Variants in C19orf12 observed in about 807,000 individuals in gnomAD.
C19orf12 encodes the protein chromosome 19 open reading frame 12, also known as protein C19orf12.
Under a neutral mutation model 3.8 loss-of-function variants are expected in C19orf12, and 2 were observed. The observed-to-expected ratio is 0.53, with a 90% CI of 0.22 to 1.66. The LOEUF is 1.66. Ranked by LOEUF, C19orf12 falls within the 40% of genes most tolerant of loss-of-function variation. The probability of loss-of-function intolerance (pLI) is 0.20; values close to 1 mark genes in which losing one functional copy is unlikely to be tolerated. For missense variants in C19orf12, 156 were observed against 188.8 expected, an observed-to-expected ratio of 0.83 and a Z score of 1.02; for synonymous variants, 89 against 84.6, an observed-to-expected ratio of 1.05 and a Z score of -0.28.
Position 29,715,144 on chromosome 19 carries a change from CG to C in C19orf12, c.-31del. ...CTTTACCTGGGGGAGCGGAGGTCTA[CG>C]CGGCGCGCTCGGCGATCAGACGCGG... On this transcript the variant is annotated 5_prime_UTR_variant, in exon 1 of 3. Coordinates refer to ENST00000323670, the MANE Select transcript of C19orf12 (RefSeq NM_031448.6). 1 of 578,796 alleles carries C rather than the reference CG, an allele frequency of 1.7e-6. No individual in the cohort carries two copies. Among genetic ancestry groups the C allele is most frequent in the Non-Finnish European group, 3.1e-6 (1 of 327,034 alleles). 35.9% of individuals were successfully genotyped at this position (578,796 alleles called of 1,614,324 possible). A position where few individuals can be genotyped will look rare whatever the true frequency, so the allele number is the denominator to read the frequency against.
At chr19:29,714,041 T>TTTG (rs1454860445) in intron 1 of C19orf12, among the ~76,000 whole-genome samples, 1 of 151,988 alleles carries the variant, frequency 6.6e-6, no homozygotes, top group East Asian at 1.9e-4. Flanking sequence ...CTTCCTGCTT[T>TTTG]TTGTTGTTGC....
chr19:29,710,392 A>G (rs1297821086), intron 1 of C19orf12, among the ~76,000 whole-genome samples: 4 of 152,032 alleles, frequency 2.6e-5, no homozygotes, highest in African/African-American at 9.7e-5. Context: ...TACACATTAG[A>G]CCTGTGATTC....
chr19:29,700,350 T>G lies in C19orf12; in HGVS notation c.*2362A>C, dbSNP rs1406953067. 8.8e-6 allele frequency: 4 copies of G among 454,148 alleles called. No individual in the cohort carries two copies. Among genetic ancestry groups the G allele is most frequent in the Non-Finnish European group, 1.8e-5 (4 of 226,790 alleles). 28.1% of individuals were successfully genotyped at this position (454,148 alleles called of 1,614,324 possible). ...AAAGTGTCCCCCAACTTTGAAGCAC[T>G]GAACCAAACATCTTTGTTGAGGTTT... On this transcript the variant is annotated 3_prime_UTR_variant, in exon 3 of 3. Transcript: ENST00000323670.
chr19:29,715,474 A>G, upstream of C19orf12: 1 of 382,626 alleles, frequency 2.6e-6, no homozygotes, highest in Non-Finnish European at 5.3e-6. Flanking sequence ...CCCGGAGAAG[A>G]GTCCTGGGAA....
chr19:29,715,404 A>G, upstream of C19orf12: 1 of 407,454 alleles, frequency 2.5e-6, no homozygotes, highest in South Asian at 1.7e-5. Flanking sequence ...GTCCTGGCCC[A>G]CCCCGCCGCT....
chr19:29,711,541 G>A (rs966539143), intron 1 of C19orf12, among the ~76,000 whole-genome samples: 2 of 152,184 alleles, frequency 1.3e-5, no homozygotes, highest in Non-Finnish European at 1.5e-5. Flanking sequence ...CCCCTTTGGA[G>A]GCTGCAAGGA....
chr19:29,703,865 C>T (rs1287422810), intron 2 of C19orf12, among the ~76,000 whole-genome samples: 1 of 152,040 alleles, frequency 6.6e-6, no homozygotes, highest in Non-Finnish European at 1.5e-5. Context: ...GGGGCACATG[C>T]CTGTAATCCC....
intron 2 of C19orf12, among the ~76,000 whole-genome samples, chr19:29,704,659 G>A (rs576066841): frequency 1.7e-4 from 26 of 152,176 alleles, no homozygotes; most frequent in Non-Finnish European, 2.9e-4. Flanking sequence ...GCAGAGAAGC[G>A]GAAGGTGCCC....
chr19:29,701,104 T>C lies in C19orf12; in HGVS notation c.*1608A>G, dbSNP rs981776365. On this transcript the variant is annotated 3_prime_UTR_variant, in exon 3 of 3. Transcript: ENST00000323670. The stretch of plus-strand genomic sequence containing the variant: ...ACAAATCTGGTACCTTCCCTCTTGT[T>C]CCATTTGTAAGACTTTGAATATTAG... 1.5e-5 allele frequency: 7 copies of C among 454,052 alleles called. No individual in the cohort carries two copies. Among genetic ancestry groups the C allele is most frequent in the African/African-American group, 1.2e-4 (6 of 50,020 alleles). 28.1% of individuals were successfully genotyped at this position (454,052 alleles called of 1,614,324 possible).
At position 29,702,901 on chromosome 19, in the gene C19orf12, C is replaced by T. The variant is rs754605942; in HGVS notation, c.237G>A (p.Glu79=). 1 of 1,614,198 alleles carries T rather than the reference C, an allele frequency of 6.2e-7. No individual in the cohort carries two copies. The highest frequency in any genetic ancestry group is 8.5e-7 in the Non-Finnish European group (1 of 1,180,026). ...QFKPVPQILM[E]LPPAEQQRLF... is the part of the protein sequence containing the mutation. ...GCCTCTGTTGCTCGGCAGGGGGCAGCTCCATTAGGATCTGAGGAACCGGCT... is the reference window on the plus strand; with the variant it reads ...GCCTCTGTTGCTCGGCAGGGGGCAGTTCCATTAGGATCTGAGGAACCGGCT... Residue 79 remains glutamate (E), a synonymous_variant, in exon 3 of 3, where the codon GAG becomes GAA. Transcript: ENST00000323670.
chr19:29,703,818 C>T (rs1426922253), intron 2 of C19orf12, among the ~76,000 whole-genome samples: 1 of 151,958 alleles, frequency 6.6e-6, no homozygotes, highest in African/African-American at 2.4e-5. Context: ...TGGTGAAACA[C>T]CATCTCTACT....
rs1971927511 is a variant in C19orf12 at position 29,698,966 on chromosome 19, A to C, written c.*3746T>G. 3 of 453,298 alleles carry C rather than the reference A, an allele frequency of 6.6e-6. No individual in the cohort carries two copies. Among genetic ancestry groups the C allele is most frequent in the Non-Finnish European group, 1.3e-5 (3 of 226,496 alleles). 28.1% of individuals were successfully genotyped at this position (453,298 alleles called of 1,614,324 possible). A position where few individuals can be genotyped will look rare whatever the true frequency, so the allele number is the denominator to read the frequency against. ...AGAATTCAATAAAGAGAATATTAAC[A>C]CAGTATTACTGTAATACTTCAGCAT... On this transcript the variant is annotated 3_prime_UTR_variant, in exon 3 of 3. Coordinates refer to ENST00000323670, the MANE Select transcript of C19orf12 (RefSeq NM_031448.6).
At chr19:29,707,481 A>G (rs1348360368) in intron 2 of C19orf12, among the ~76,000 whole-genome samples, 1 of 152,226 alleles carries the variant, frequency 6.6e-6, no homozygotes, top group Non-Finnish European at 1.5e-5. Flanking sequence ...CTCACATGAA[A>G]TGGCCACACC....
chr19:29,711,036 GTT>G (rs781530564), intron 1 of C19orf12, among the ~76,000 whole-genome samples: 11 of 98,266 alleles, frequency 1.1e-4, no homozygotes, highest in Admixed American at 1.3e-4. Context: ...ATACAGAGAG[GTT>G]TTTTTTTTTT....
At chr19:29,713,971 CTTCCTT>C (rs919503699) in intron 1 of C19orf12, among the ~76,000 whole-genome samples, 1 of 136,908 alleles carries the variant, frequency 7.3e-6, no homozygotes, top group Non-Finnish European at 1.5e-5. Flanking sequence ...TCCTTCCTTC[CTTCCTT>C]TTCTCTTTCT....
At chr19:29,712,965 C>T (rs16963185) in intron 1 of C19orf12, among the ~76,000 whole-genome samples, 19,621 of 152,172 alleles carry the variant, frequency 0.13, 1,739 homozygotes, top group East Asian at 0.37. Flanking sequence ...AGTCCAGCAC[C>T]ACGGGTAGAG....
chr19:29,707,441 G>A (rs1443180578), intron 2 of C19orf12, among the ~76,000 whole-genome samples: 1 of 152,240 alleles, frequency 6.6e-6, no homozygotes, highest in East Asian at 1.9e-4. Flanking sequence ...GTCTCTTTCA[G>A]AACAAGGGAG....
In C19orf12 at chr19:29,702,761, A is replaced by AC. The variant is rs757445094; in HGVS notation, c.376dup (p.Val126GlyfsTer15). 4 of 1,613,920 alleles carry AC rather than the reference A, an allele frequency of 2.5e-6. No individual in the cohort carries two copies. The South Asian group carries it at 4.4e-5, about 18-fold the overall frequency. ...CCGCAGCTCCTTGGTGACGTAGTTC[A>AC]CCAGCATGGCCAGCAGCTGCTGCTG... On this transcript the variant is annotated frameshift_variant, in exon 3 of 3. Coordinates refer to ENST00000323670, the MANE Select transcript of C19orf12 (RefSeq NM_031448.6). LOFTEE classifies it high-confidence loss of function.
chr19:29,702,139 G>A lies in C19orf12; in HGVS notation c.*573C>T, dbSNP rs1439165496. On this transcript the variant is annotated 3_prime_UTR_variant, in exon 3 of 3. Coordinates refer to ENST00000323670, the MANE Select transcript of C19orf12 (RefSeq NM_031448.6). ...CCGGGGTCAAGTCCACTCGGTATTT[G>A]TGGCTTCACTCAGCAGGCCGCCCGT... 1 of 453,198 alleles carries A rather than the reference G, an allele frequency of 2.2e-6. No homozygotes were observed. The allele number at this position is 453,198 out of a possible 1,614,324, so 28.1% of individuals were successfully genotyped here.
Sources: gnomAD v4.1 joint callset for allele counts (sites outside exome capture counted in the v4.1 genomes callset) on GRCh38, gnomAD v4.1.1 for gene constraint, MANE v1.5 for transcripts, NCBI Gene and HGNC (gene_info 2026-07-23, HGNC 2026-07-21) for gene names.